NPAS3: variants seen among roughly 807,000 people sequenced by gnomAD.
NPAS3 encodes the protein neuronal PAS domain protein 3, also known as neuronal PAS domain-containing protein 3.
A neutral mutation model predicts 73.1 loss-of-function variants in NPAS3; 14 were observed. The observed-to-expected ratio is 0.19, with a 90% CI of 0.13 to 0.30. NPAS3 has a LOEUF of 0.30. Among genes scored for constraint, NPAS3 ranks in the 10% least tolerant of loss-of-function variants. The pLI is 1.00. For synonymous variants in NPAS3, 620 were observed against 541.5 expected (o/e 1.14, Z -2.01); for missense variants, 1,096 against 1,250.0 (o/e 0.88, Z 1.86).
intron 4 of NPAS3, among the ~76,000 whole-genome samples, chr14:33,399,138 G>T (rs756119910): frequency 6.6e-6 from 1 of 151,994 alleles, no homozygotes; most frequent in Non-Finnish European, 1.5e-5. Flanking sequence ...TACATTTTAG[G>T]GTAATATAGC....
chr14:33,693,014 T>C (rs2060276179), intron 6 of NPAS3, among the ~76,000 whole-genome samples: 1 of 152,122 alleles, frequency 6.6e-6, no homozygotes, highest in African/African-American at 2.4e-5. Context: ...TTCTAGCATG[T>C]GGCACAGAAA....
chr14:33,592,204 G>A (rs1369248953), intron 5 of NPAS3, among the ~76,000 whole-genome samples: 1 of 152,134 alleles, frequency 6.6e-6, no homozygotes, highest in Non-Finnish European at 1.5e-5. Context: ...ATTATCTTCT[G>A]TATTTTCCTC....
intron 5 of NPAS3, among the ~76,000 whole-genome samples, chr14:33,636,770 C>T (rs987286985): frequency 1.3e-5 from 2 of 152,134 alleles, no homozygotes; most frequent in African/African-American, 4.8e-5. Flanking sequence ...CACCGGGGCC[C>T]TAAATTGCCA....
intron 2 of NPAS3, among the ~76,000 whole-genome samples, chr14:33,134,861 AT>A (rs71448288): frequency 5.3e-5 from 8 of 150,548 alleles, no homozygotes; most frequent in African/African-American, 2.0e-4. Context: ...TTAAAGACTG[AT>A]TTTTTTTTTC....
intron 3 of NPAS3, among the ~76,000 whole-genome samples, chr14:33,235,802 A>ATTTT (rs1370210170): frequency 2.0e-4 from 13 of 65,858 alleles, no homozygotes; most frequent in Non-Finnish European, 2.9e-4. Flanking sequence ...TGTTGATACA[A>ATTTT]TTCTTTTTTT....
chr14:33,208,581 T>C (rs1444066085), intron 2 of NPAS3, among the ~76,000 whole-genome samples: 2 of 152,234 alleles, frequency 1.3e-5, no homozygotes, highest in African/African-American at 4.8e-5. Context: ...GTTGATACTT[T>C]ATCAAATGTT....
At chr14:33,420,532 C>T (rs1319030711) in intron 4 of NPAS3, among the ~76,000 whole-genome samples, 1 of 151,406 alleles carries the variant, frequency 6.6e-6, no homozygotes, top group African/African-American at 2.4e-5. Flanking sequence ...AAACATTGTG[C>T]AGAAATACAT....
At chr14:33,591,392 G>A (rs1468555025) in intron 5 of NPAS3, among the ~76,000 whole-genome samples, 2 of 152,182 alleles carry the variant, frequency 1.3e-5, no homozygotes, top group Non-Finnish European at 2.9e-5. Context: ...TTGGACTAGA[G>A]AGTGGAAAAG....
intron 3 of NPAS3, among the ~76,000 whole-genome samples, chr14:33,339,177 A>C (rs1311344171): frequency 6.6e-6 from 1 of 152,188 alleles, no homozygotes; most frequent in Non-Finnish European, 1.5e-5. Flanking sequence ...TATTATTGTT[A>C]CGCTAAATGT....
chr14:32,984,233 G>A (rs751940990), intron 1 of NPAS3, among the ~76,000 whole-genome samples: 6 of 152,180 alleles, frequency 3.9e-5, no homozygotes, highest in Non-Finnish European at 7.4e-5. Flanking sequence ...AATCCCTGCT[G>A]TATCTTAGAA....
At chr14:33,473,028 C>A (rs1174050081) in intron 4 of NPAS3, among the ~76,000 whole-genome samples, 1 of 151,872 alleles carries the variant, frequency 6.6e-6, no homozygotes. Context: ...TTTGCTTGAG[C>A]TTTGCAGAGT....
intron 1 of NPAS3, among the ~76,000 whole-genome samples, chr14:32,957,712 G>C (rs2036735872): frequency 6.6e-6 from 1 of 152,070 alleles, no homozygotes; most frequent in South Asian, 2.1e-4. Flanking sequence ...TTTTGCATTT[G>C]CCTATTCTCT....
intron 1 of NPAS3, among the ~76,000 whole-genome samples, chr14:33,050,271 T>A (rs2040656453): frequency 6.6e-6 from 1 of 152,228 alleles, no homozygotes; most frequent in Admixed American, 6.5e-5. Flanking sequence ...TTTTTGTTTT[T>A]TGTTTTAAGC....
rs538246464 is a variant in NPAS3, at chr14:33,627,330, A to G, written c.559-48881A>G. The stretch of plus-strand genomic sequence containing the variant: ...ACATTCTGATACCCTCTTCAGACAC[A>G]GTTCAAGCTTTGACCTTTGTGAAGT... On this transcript the variant is annotated intron_variant, in intron 5 of 11. Transcript: ENST00000356141. 3.9e-5 allele frequency among the ~76,000 whole-genome samples: 6 copies of G among 152,298 alleles called. No individual in the cohort carries two copies. The South Asian group carries it at 1.2e-3, about 32-fold the overall frequency.
intron 4 of NPAS3, 46 bp from the exon 5 acceptor site, chr14:33,560,075 C>G (rs1209958158): frequency 4.0e-6 from 3 of 750,316 alleles, no homozygotes; most frequent in Non-Finnish European, 6.9e-6. Context: ...AATCTGCATC[C>G]TTTGTATTTA....
At chr14:33,395,086 G>A (rs1003797201) in intron 4 of NPAS3, among the ~76,000 whole-genome samples, 1 of 152,168 alleles carries the variant, frequency 6.6e-6, no homozygotes, top group African/African-American at 2.4e-5. Flanking sequence ...ACTGCAGTAA[G>A]AGAATTGCAA....
intron 9 of NPAS3, 44 bp downstream of exon 9, chr14:33,778,616 C>T (rs1294082011): frequency 7.6e-7 from 1 of 1,318,288 alleles, no homozygotes; most frequent in South Asian, 1.2e-5. Flanking sequence ...CTGGTGTCAG[C>T]AATCTCTGAG....
At chr14:33,635,350 G>C (rs547297193) in intron 5 of NPAS3, among the ~76,000 whole-genome samples, 7 of 152,262 alleles carry the variant, frequency 4.6e-5, no homozygotes, top group Non-Finnish European at 8.8e-5. Context: ...TGGATGTGAG[G>C]AAGTAGAGAT....
At chr14:33,471,495 C>T (rs140969782) in intron 4 of NPAS3, among the ~76,000 whole-genome samples, 64 of 152,172 alleles carry the variant, frequency 4.2e-4, no homozygotes, top group Non-Finnish European at 6.9e-4. Flanking sequence ...CGGGAGACAG[C>T]GATTTTTGCC....
Sources: gnomAD v4.1 joint callset for allele counts (sites outside exome capture counted in the v4.1 genomes callset) on GRCh38, gnomAD v4.1.1 for gene constraint, MANE v1.5 for transcripts, NCBI Gene and HGNC (gene_info 2026-07-23, HGNC 2026-07-21) for gene names.